Variants in FAF2 observed in about 807,000 individuals in gnomAD.
FAF2 encodes Fas associated factor family member 2.
Under a neutral mutation model 62.3 loss-of-function variants are expected in FAF2, and 9 were observed. That is an observed-to-expected ratio of 0.14 (90% CI 0.09 to 0.25). The LOEUF (loss-of-function observed/expected upper bound fraction) is 0.25. Ranked by LOEUF, FAF2 falls within the 10% of genes least tolerant of loss-of-function variation. FAF2 has a pLI of 1.00. For missense variants in FAF2, 368 were observed against 556.2 expected (o/e 0.66, Z 3.40); for synonymous variants, 202 against 198.0 (o/e 1.02, Z -0.17).
At chr5:176,473,205 A>C (rs558170401) in intron 1 of FAF2, among the ~76,000 whole-genome samples, 4 of 152,290 alleles carry the variant, frequency 2.6e-5, no homozygotes, top group African/African-American at 9.6e-5. Context: ...TAGTAGTCAC[A>C]TCTTAGGTTC....
chr5:176,478,952 ACTC>A (rs1480985261), intron 1 of FAF2, among the ~76,000 whole-genome samples: 3 of 152,072 alleles, frequency 2.0e-5, no homozygotes, highest in African/African-American at 4.8e-5. Context: ...CTTAGTCAGT[ACTC>A]CTCTTAATTG....
At chr5:176,455,100 AG>A (rs1269068906) in intron 1 of FAF2, among the ~76,000 whole-genome samples, 1 of 152,182 alleles carries the variant, frequency 6.6e-6, no homozygotes, top group Admixed American at 6.6e-5. Context: ...TTGTTTAGTT[AG>A]GTGTGGGCAA....
chr5:176,465,811 C>G (rs1174110142), intron 1 of FAF2, among the ~76,000 whole-genome samples: 2 of 152,094 alleles, frequency 1.3e-5, no homozygotes, highest in Non-Finnish European at 2.9e-5. Context: ...GAACCGAGAT[C>G]GTGCCACTGC....
intron 1 of FAF2, among the ~76,000 whole-genome samples, chr5:176,456,792 A>C (rs1758283668): frequency 6.6e-6 from 1 of 152,222 alleles, no homozygotes; most frequent in South Asian, 2.1e-4. Context: ...AAGAAATTTG[A>C]AATCAACTTT....
At chr5:176,474,789 G>A (rs1009779201) in intron 1 of FAF2, among the ~76,000 whole-genome samples, 4 of 152,192 alleles carry the variant, frequency 2.6e-5, no homozygotes, top group African/African-American at 9.7e-5. Flanking sequence ...AATTTTGTTA[G>A]TGTATTTTCT....
rs1408953485 is a variant in FAF2 at position 176,507,609 on chromosome 5, T to A, written c.*659T>A. 6.5e-6 allele frequency: 1 copy of A among 153,806 alleles called. No homozygotes were observed. The highest frequency in any genetic ancestry group is 1.5e-5 in the Non-Finnish European group (1 of 68,834). The allele number at this position is 153,806 out of a possible 1,614,324, so 9.5% of individuals were successfully genotyped here. ...GGCTCCTTAGCCCACAATAGTGTAA[T>A]AAAAGTGCCCCGGGCTGGTTTGTGC... On this transcript the variant is annotated 3_prime_UTR_variant, in exon 11 of 11. Coordinates refer to ENST00000261942, the MANE Select transcript of FAF2 (RefSeq NM_014613.3).
chr5:176,449,605 GTTC>G (rs1758130518), intron 1 of FAF2, among the ~76,000 whole-genome samples: 2 of 152,024 alleles, frequency 1.3e-5, no homozygotes. Context: ...TCCTGAGGAT[GTTC>G]GGGAGATCAA....
intron 10 of FAF2, among the ~76,000 whole-genome samples, chr5:176,503,223 A>G (rs930598906): frequency 1.3e-5 from 2 of 152,044 alleles, no homozygotes; most frequent in African/African-American, 4.8e-5. Flanking sequence ...TAATTACATA[A>G]AACCAAATAA....
At position 176,509,007 on chromosome 5, in the gene FAF2, A is replaced by G. The variant is rs901428132; in HGVS notation, c.*2057A>G. The G allele has an allele frequency of 6.6e-6, 1 of 152,086 alleles. No individual in the cohort carries two copies. Among genetic ancestry groups the G allele is most frequent in the African/African-American group, 2.4e-5 (1 of 41,394 alleles). The allele number at this position is 152,086 out of a possible 1,614,324, so 9.4% of individuals were successfully genotyped here. ...AGTCTCTTCTTATTCTACAGTGTGC[A>G]CTTTATGCCTCTCGCCTTTTGATAA... On this transcript the variant is annotated 3_prime_UTR_variant, in exon 11 of 11. Transcript: ENST00000261942.
chr5:176,479,316 C>A, intron 2 of FAF2, 60 bp downstream of exon 2: 2 of 1,355,216 alleles, frequency 1.5e-6, no homozygotes, highest in Non-Finnish European at 2.1e-6. Context: ...AGAGTCAAAA[C>A]CGTATGTTTT....
intron 5 of FAF2, 23 bp downstream of exon 5, chr5:176,492,355 A>G: frequency 6.3e-7 from 1 of 1,598,766 alleles, no homozygotes. Context: ...AACCATATAG[A>G]TGCCAACTTA....
At chr5:176,468,245 A>G (rs1758506286) in intron 1 of FAF2, among the ~76,000 whole-genome samples, 1 of 152,176 alleles carries the variant, frequency 6.6e-6, no homozygotes, top group South Asian at 2.1e-4. Flanking sequence ...TTATTCAGAC[A>G]TTTCCTATTT....
chr5:176,502,683 G>A (rs1755615013), intron 10 of FAF2, among the ~76,000 whole-genome samples: 1 of 152,114 alleles, frequency 6.6e-6, no homozygotes, highest in Non-Finnish European at 1.5e-5. Flanking sequence ...TGGCCAAAAG[G>A]GAACCAACCA....
rs1758982139 is a variant in FAF2 at position 176,492,181 on chromosome 5, C to T, written c.345-13C>T. On this transcript the variant is annotated splice_polypyrimidine_tract_variant and intron_variant, in intron 4 of 10. Transcript: ENST00000261942. Reference sequence around the variant, plus strand: ...AAGCTGGATTCATGTGATATTTATTCCTTCCTCCCCAGGTTTGCTCTTCGT... The same window carrying T: ...AAGCTGGATTCATGTGATATTTATTTCTTCCTCCCCAGGTTTGCTCTTCGT... 4 of 1,613,918 alleles carry T rather than the reference C, an allele frequency of 2.5e-6. No individual in the cohort carries two copies. The highest frequency in any genetic ancestry group is 1.7e-6 in the Non-Finnish European group (2 of 1,180,004).
At chr5:176,473,978 C>T (rs1467621825) in intron 1 of FAF2, among the ~76,000 whole-genome samples, 2 of 152,212 alleles carry the variant, frequency 1.3e-5, no homozygotes, top group Non-Finnish European at 2.9e-5. Flanking sequence ...GAATCAGCCA[C>T]TTCTCCAAGG....
intron 1 of FAF2, among the ~76,000 whole-genome samples, chr5:176,468,177 A>C (rs936762596): frequency 6.6e-6 from 1 of 152,232 alleles, no homozygotes; most frequent in Non-Finnish European, 1.5e-5. Flanking sequence ...AGAAAAGAAA[A>C]GAAACTAGAG....
intron 1 of FAF2, among the ~76,000 whole-genome samples, chr5:176,465,087 C>T (rs1758440109): frequency 6.6e-6 from 1 of 152,114 alleles, no homozygotes; most frequent in South Asian, 2.1e-4. Context: ...GACAGGGTTT[C>T]ACCATGTTGG....
intron 9 of FAF2, among the ~76,000 whole-genome samples, chr5:176,499,292 T>A (rs1253351240): frequency 6.6e-6 from 1 of 152,178 alleles, no homozygotes. Context: ...CATTCTTTTT[T>A]AAATAAAAAT....
intron 9 of FAF2, 55 bp downstream of exon 9, chr5:176,499,140 ATCTTGG>A (rs1265853601): frequency 2.7e-6 from 4 of 1,485,730 alleles, no homozygotes; most frequent in Non-Finnish European, 3.6e-6. Flanking sequence ...AGACTTTGCC[ATCTTGG>A]TCTTAAGTGT....
Sources: gnomAD v4.1 joint callset for allele counts (sites outside exome capture counted in the v4.1 genomes callset) on GRCh38, gnomAD v4.1.1 for gene constraint, MANE v1.5 for transcripts, NCBI Gene and HGNC (gene_info 2026-07-23, HGNC 2026-07-21) for gene names.